AP2B1: variants seen among roughly 807,000 people sequenced by gnomAD.
AP2B1 encodes the protein adaptor related protein complex 2 subunit beta 1.
A neutral mutation model predicts 102.0 loss-of-function variants in AP2B1; 23 were observed. The observed-to-expected ratio is 0.23, with a 90% CI of 0.16 to 0.32. The LOEUF (loss-of-function observed/expected upper bound fraction) is 0.32, where lower values mean the gene tolerates loss of function less well. AP2B1 is among the 10% of genes least tolerant of loss of function. The pLI is 1.00. For missense variants in AP2B1, 541 were observed against 1,157.4 expected, an observed-to-expected ratio of 0.47 and a Z score of 7.73; for synonymous variants, 381 against 421.2, an observed-to-expected ratio of 0.90 and a Z score of 1.17.
intron 19 of AP2B1, 63 bp downstream of exon 19, chr17:35,709,371 A>T: frequency 7.2e-7 from 1 of 1,380,986 alleles, no homozygotes; most frequent in Admixed American, 1.7e-5. Context: ...TGTCAGGCAG[A>T]GCATAGCCCC....
chr17:35,609,233 G>A (rs2142414056), intron 5 of AP2B1, among the ~76,000 whole-genome samples: 1 of 152,156 alleles, frequency 6.6e-6, no homozygotes, highest in East Asian at 1.9e-4. Context: ...TGGCCAAGCT[G>A]GAGTGCAGTG....
chr17:35,695,335 T>A (rs1303033748), intron 18 of AP2B1, among the ~76,000 whole-genome samples: 1 of 152,048 alleles, frequency 6.6e-6, no homozygotes, highest in Non-Finnish European at 1.5e-5. Context: ...TTATAAAACT[T>A]TCAAAATGAG....
chr17:35,680,389 G>T (rs1256991850), intron 17 of AP2B1, among the ~76,000 whole-genome samples: 3 of 151,702 alleles, frequency 2.0e-5, no homozygotes, highest in African/African-American at 7.3e-5. Context: ...CCGAAACAGG[G>T]TCTTGCTCTT....
At chr17:35,643,519 A>G (rs749433786) in intron 12 of AP2B1, among the ~76,000 whole-genome samples, 28 of 152,318 alleles carry the variant, frequency 1.8e-4, no homozygotes, top group Middle Eastern at 3.4e-3. Context: ...CTTCAAACTC[A>G]GTCTCATTAC....
chr17:35,660,632 G>A (rs950664891), intron 14 of AP2B1, among the ~76,000 whole-genome samples: 9 of 151,954 alleles, frequency 5.9e-5, no homozygotes, highest in South Asian at 4.2e-4. Flanking sequence ...ACAGGTGCCC[G>A]CCACCACGCC....
intron 14 of AP2B1, among the ~76,000 whole-genome samples, chr17:35,668,019 C>A (rs1191645106): frequency 6.8e-6 from 1 of 147,174 alleles, no homozygotes; most frequent in African/African-American, 2.5e-5. Context: ...CTCACTGCAA[C>A]CTCTGCCTCC....
intron 14 of AP2B1, among the ~76,000 whole-genome samples, chr17:35,663,761 C>T (rs965763173): frequency 6.6e-6 from 1 of 152,136 alleles, no homozygotes; most frequent in African/African-American, 2.4e-5. Context: ...AGCTTGCTTG[C>T]CCTGGGCCTC....
intron 13 of AP2B1, among the ~76,000 whole-genome samples, chr17:35,655,840 A>G (rs1453725301): frequency 2.0e-5 from 3 of 152,170 alleles, no homozygotes; most frequent in East Asian, 3.8e-4. Context: ...TGGTGAGTGT[A>G]TAGTGGTGTC....
intron 2 of AP2B1, among the ~76,000 whole-genome samples, chr17:35,595,042 T>G (rs1014858717): frequency 6.6e-6 from 1 of 152,232 alleles, no homozygotes; most frequent in Non-Finnish European, 1.5e-5. Context: ...TACCAAAGTA[T>G]TCCAGACATG....
At chr17:35,682,621 G>T in intron 17 of AP2B1, 74 bp from the exon 18 acceptor site, 1 of 1,506,924 alleles carries the variant, frequency 6.6e-7, no homozygotes, top group South Asian at 1.2e-5. Context: ...TGGGATTACA[G>T]GCATGAGCCA....
intron 5 of AP2B1, among the ~76,000 whole-genome samples, chr17:35,622,777 G>C (rs2074216694): frequency 6.6e-6 from 1 of 152,120 alleles, no homozygotes; most frequent in Admixed American, 6.5e-5. Flanking sequence ...CAGTTCTCCT[G>C]CCTCAGCCTC....
intron 18 of AP2B1, among the ~76,000 whole-genome samples, chr17:35,684,745 G>T (rs969095282): frequency 1.3e-5 from 2 of 152,126 alleles, no homozygotes; most frequent in African/African-American, 4.8e-5. Flanking sequence ...CCTTTTCATT[G>T]AAATCTAACC....
At chr17:35,688,334 C>G (rs1266961383) in intron 18 of AP2B1, among the ~76,000 whole-genome samples, 1 of 152,192 alleles carries the variant, frequency 6.6e-6, no homozygotes, top group Non-Finnish European at 1.5e-5. Context: ...TCCTCCTAAT[C>G]AGAAGCCGTT....
At chr17:35,648,599 G>A (rs962761247) in intron 12 of AP2B1, among the ~76,000 whole-genome samples, 1 of 152,084 alleles carries the variant, frequency 6.6e-6, no homozygotes, top group African/African-American at 2.4e-5. Flanking sequence ...GGAAAAATGG[G>A]CAACAGTGAA....
intron 5 of AP2B1, among the ~76,000 whole-genome samples, chr17:35,616,142 CTTTTTTTTTTTTTTTTTTTTTTTTTTTTT>C (rs71152739): frequency 5.2e-5 from 3 of 57,400 alleles, no homozygotes. Flanking sequence ...AAAAATATCT[CTTTTTTTTTTTTTTTTTTTTTTTTTTTTT>C]TTTTTTTTTT....
chr17:35,621,408 G>T, intron 5 of AP2B1: 1 of 884,722 alleles, frequency 1.1e-6, no homozygotes, highest in Non-Finnish European at 1.4e-6. Flanking sequence ...CAGTCTGACT[G>T]TGGAGATTAG....
intron 9 of AP2B1, among the ~76,000 whole-genome samples, chr17:35,630,500 C>A (rs1448763960): frequency 6.6e-6 from 1 of 152,156 alleles, no homozygotes; most frequent in African/African-American, 2.4e-5. Context: ...TTGTTCTCTT[C>A]ACTAGTGTAC....
In AP2B1 at chr17:35,608,250, T is replaced by C. The variant is rs774653813; in HGVS notation, c.388T>C (p.Leu130=). Residue 130 remains leucine, a synonymous_variant, in exon 5 of 22, where the codon TTG becomes CTG. Coordinates refer to ENST00000610402, the MANE Select transcript of AP2B1 (RefSeq NM_001030006.2). ...EYLCEPLRKC[L]KDEDPYVRKT... is the part of the protein sequence containing the mutation. ...TCTCTGTGAGCCGCTCCGCAAGTGC[T>C]TGAAGGATGAGGATCCCTATGTTCG... The C allele has an allele frequency of 3.7e-6, 6 of 1,614,140 alleles. 1 individual carries two copies. The East Asian group carries it at 1.1e-4, about 30-fold the overall frequency.
At chr17:35,643,027 CTTT>C (rs541834442) in intron 12 of AP2B1, among the ~76,000 whole-genome samples, 2 of 140,286 alleles carry the variant, frequency 1.4e-5, no homozygotes, top group Non-Finnish European at 1.6e-5. Flanking sequence ...CCCCCACAGC[CTTT>C]TTTTTTTTTT....
Sources: gnomAD v4.1 joint callset for allele counts (sites outside exome capture counted in the v4.1 genomes callset) on GRCh38, gnomAD v4.1.1 for gene constraint, MANE v1.5 for transcripts, NCBI Gene and HGNC (gene_info 2026-07-23, HGNC 2026-07-21) for gene names.